The following SVEP1 variants were observed in gnomAD, a reference collection of about 807,000 sequenced individuals.
SVEP1 encodes the protein sushi, von Willebrand factor type A, EGF and pentraxin domain containing 1.
A neutral mutation model predicts 367.3 loss-of-function variants in SVEP1; 164 were observed. That is an observed-to-expected ratio of 0.45 (90% CI 0.39 to 0.51). The LOEUF (loss-of-function observed/expected upper bound fraction) is 0.51. Ranked by LOEUF, SVEP1 falls within the 20% of genes least tolerant of loss-of-function variation. The pLI is 0.00. For missense variants in SVEP1, 4,117 were observed against 4,425.3 expected (o/e 0.93, Z 1.98); for synonymous variants, 1,666 against 1,611.6 (o/e 1.03, Z -0.81).
Position 110,400,967 on chromosome 9 carries a change from T to C in SVEP1, c.9709A>G (p.Ser3237Gly). ...TCAGGTTTCCCACAAGAAACTGGACTGCAAGATTCATCGGAGAATGGTGGC... is the reference window on the plus strand; with the variant it reads ...TCAGGTTTCCCACAAGAAACTGGACCGCAAGATTCATCGGAGAATGGTGGC... ...WEPPFSDESC[S>G]PVSCGKPESP... is the part of the protein sequence containing the mutation. The change falls in exon 40 of 48, where the codon AGT (serine) becomes GGT (glycine). Residue 3237 changes from serine (S) to glycine (G), a missense_variant. Physicochemically the swap from Ser to Gly is moderately conservative, Grantham distance 56. This residue lies in a region of SVEP1 where 1,765 missense variants were observed against 1,781.1 expected (regional missense o/e 0.99). Transcript: ENST00000374469. 1 of 1,613,918 alleles carries C rather than the reference T, an allele frequency of 6.2e-7. No homozygotes were observed. The highest frequency in any genetic ancestry group is 1.3e-5 in the African/African-American group (1 of 75,056).
rs375514451 is a variant in SVEP1, at chr9:110,443,628, C to A, written c.4556G>T (p.Ser1519Ile). 2.5e-6 allele frequency: 4 copies of A among 1,613,546 alleles called. No homozygotes were observed. Among genetic ancestry groups the A allele is most frequent in the Admixed American group, 1.7e-5 (1 of 59,948 alleles). ...ATAGACTTTCCAGATGCCATTGGCA[C>A]TTGTCCAAGTGATTGCAATATGATG... ...RWHHIAITWTSANGIWKVYID... is the reference protein window; with the variant it reads ...RWHHIAITWTIANGIWKVYID... Residue 1519 changes from serine (S) to isoleucine (I), a missense_variant, in exon 27 of 48, where the codon AGT becomes ATT. By Grantham distance (142) the Ser-to-Ile change is moderately radical (BLOSUM62 -2). Around this residue, in one of 4 missense-constraint regions of SVEP1, gnomAD observed 2,174 missense variants for 2,494.3 expected, o/e 0.87. Transcript: ENST00000374469.
intron 3 of SVEP1, among the ~76,000 whole-genome samples, chr9:110,528,156 GTATATA>G (rs59360366): frequency 3.2e-4 from 11 of 33,940 alleles, no homozygotes; most frequent in Admixed American, 1.4e-3. Flanking sequence ...GTGTGTGTGT[GTATATA>G]TATATATATA....
intron 1 of SVEP1, among the ~76,000 whole-genome samples, chr9:110,565,195 T>C (rs1390768279): frequency 6.6e-6 from 1 of 152,206 alleles, no homozygotes; most frequent in Non-Finnish European, 1.5e-5. Context: ...AGGAATGTTA[T>C]GATGCAGGGG....
Position 110,482,349 on chromosome 9 carries a change from T to C in SVEP1, c.2170+12A>G. ...TGTCAACTAGAATTCTGGGGACTTA[T>C]GAAGACAATACCTTTTATGACAATA... On this transcript the variant is annotated intron_variant, in intron 11 of 47. Coordinates refer to ENST00000374469, the MANE Select transcript of SVEP1 (RefSeq NM_153366.4). 6.2e-7 allele frequency: 1 copy of C among 1,608,568 alleles called. No individual in the cohort carries two copies. The highest frequency in any genetic ancestry group is 8.5e-7 in the Non-Finnish European group (1 of 1,177,710).
chr9:110,501,392 A>G (rs1265743340), intron 6 of SVEP1, among the ~76,000 whole-genome samples: 1 of 129,214 alleles, frequency 7.7e-6, no homozygotes, highest in Non-Finnish European at 1.7e-5. Context: ...ATCATTGTAT[A>G]TAGAAAAGCT....
rs981259976 is a variant in SVEP1 at position 110,434,481 on chromosome 9, C to G, written c.4914G>C (p.Val1638=). Reference sequence around the variant, plus strand: ...CTTCAGATGCAGTTCTCAGATGAGGCACTGACCCTCCTAAGCGTGGGCAAT... The same window carrying G: ...CTTCAGATGCAGTTCTCAGATGAGGGACTGACCCTCCTAAGCGTGGGCAAT... ...CSDCPRLGGS[V]PHLRTASEDL... Residue 1638 remains valine (V), a synonymous_variant, in exon 30 of 48, where the codon GTG becomes GTC. Coordinates refer to ENST00000374469, the MANE Select transcript of SVEP1 (RefSeq NM_153366.4). The G allele has an allele frequency of 4.3e-6, 7 of 1,613,140 alleles. No homozygotes were observed. The highest frequency in any genetic ancestry group is 1.7e-5 in the Admixed American group (1 of 59,906).
chr9:110,564,239 T>C (rs980651043), intron 1 of SVEP1, among the ~76,000 whole-genome samples: 40 of 152,278 alleles, frequency 2.6e-4, no homozygotes, highest in African/African-American at 8.4e-4. Flanking sequence ...TGCATAGAGA[T>C]TGGGAGAATT....
intron 40 of SVEP1, among the ~76,000 whole-genome samples, chr9:110,391,049 T>C (rs7847526): frequency 0.16 from 23,798 of 152,114 alleles, 2,150 homozygotes; most frequent in East Asian, 0.4. Flanking sequence ...TTAAAAATTA[T>C]AACCATAACA....
intron 40 of SVEP1, among the ~76,000 whole-genome samples, chr9:110,399,081 A>T (rs562228707): frequency 6.6e-6 from 1 of 152,278 alleles, no homozygotes; most frequent in African/African-American, 2.4e-5. Context: ...AATAGCAAAA[A>T]CTTGGAACCA....
At chr9:110,447,349 T>A (rs1445748061) in intron 24 of SVEP1, among the ~76,000 whole-genome samples, 1 of 152,220 alleles carries the variant, frequency 6.6e-6, no homozygotes, top group African/African-American at 2.4e-5. Flanking sequence ...CAGAAAAATA[T>A]GAAAAGTTCA....
intron 39 of SVEP1, among the ~76,000 whole-genome samples, chr9:110,403,557 C>A (rs1288214543): frequency 6.6e-6 from 1 of 151,852 alleles, no homozygotes; most frequent in Non-Finnish European, 1.5e-5. Flanking sequence ...TCCACCTCGG[C>A]CTCCCAAAGT....
chr9:110,428,350 A>T (rs1375281468), intron 35 of SVEP1, among the ~76,000 whole-genome samples: 1 of 151,034 alleles, frequency 6.6e-6, no homozygotes, highest in Non-Finnish European at 1.5e-5. Context: ...GATCCTGTTG[A>T]TCATGTTTCT....
At chr9:110,414,966 C>T (rs1268413809) in intron 36 of SVEP1, among the ~76,000 whole-genome samples, 1 of 151,972 alleles carries the variant, frequency 6.6e-6, no homozygotes, top group Non-Finnish European at 1.5e-5. Flanking sequence ...GGCAATAACC[C>T]TTTCTTCCCT....
intron 22 of SVEP1, among the ~76,000 whole-genome samples, chr9:110,453,399 G>C (rs991965891): frequency 2.6e-5 from 4 of 152,056 alleles, no homozygotes; most frequent in African/African-American, 2.4e-5. Context: ...CACTGTTTCT[G>C]AACTATTTTT....
At chr9:110,569,882 T>C (rs568667941) in intron 1 of SVEP1, among the ~76,000 whole-genome samples, 16 of 152,358 alleles carry the variant, frequency 1.1e-4, no homozygotes, top group African/African-American at 3.4e-4. Flanking sequence ...AAATAAACTA[T>C]TAATTTCTTG....
chr9:110,448,083 A>G (rs1224864009), intron 24 of SVEP1, among the ~76,000 whole-genome samples: 2 of 152,264 alleles, frequency 1.3e-5, no homozygotes, highest in Non-Finnish European at 2.9e-5. Context: ...TAAGAAAGAT[A>G]TATTCAGACT....
At chr9:110,443,518 A>T in intron 27 of SVEP1, 27 bp downstream of exon 27, 7 of 1,566,476 alleles carry the variant, frequency 4.5e-6, no homozygotes, top group Non-Finnish European at 4.3e-6. Context: ...AGTCCAACAG[A>T]ATTATACTCA....
At chr9:110,395,806 T>C (rs936050201) in intron 40 of SVEP1, among the ~76,000 whole-genome samples, 7 of 151,970 alleles carry the variant, frequency 4.6e-5, no homozygotes, top group Non-Finnish European at 8.8e-5. Flanking sequence ...GAGCTAACTA[T>C]CCTAAATATA....
intron 3 of SVEP1, among the ~76,000 whole-genome samples, chr9:110,522,316 A>T (rs1288649362): frequency 6.8e-6 from 1 of 147,000 alleles, no homozygotes; most frequent in Non-Finnish European, 1.5e-5. Context: ...GGATAACATT[A>T]AAAAAATTAC....
Sources: gnomAD v4.1 joint callset for allele counts (sites outside exome capture counted in the v4.1 genomes callset) on GRCh38, gnomAD v4.1.1 for gene constraint, gnomAD v4.1.1 regional missense constraint, MANE v1.5 for transcripts, NCBI Gene and HGNC (gene_info 2026-07-23, HGNC 2026-07-21) for gene names.